LRP1B: variants seen among roughly 807,000 people sequenced by gnomAD.
LRP1B encodes low-density lipoprotein receptor-related protein 1B.
A neutral mutation model predicts 556.6 loss-of-function variants in LRP1B; 217 were observed. The observed-to-expected ratio is 0.39, with a 90% confidence interval of 0.35 to 0.44. LRP1B has a LOEUF of 0.44. LRP1B is among the 20% of genes least tolerant of loss of function. LRP1B has a pLI of 1.00. For synonymous variants in LRP1B, 2,047 were observed against 1,865.8 expected (o/e 1.10, Z -2.50); for missense variants, 5,053 against 5,620.8 (o/e 0.90, Z 3.23).
chr2:141,607,823 T>C lies in LRP1B; in HGVS notation c.206-127290A>G, dbSNP rs533810771. On this transcript the variant is annotated intron_variant, in intron 2 of 90. Transcript: ENST00000389484. ...CTGTCGTCCCAGCTACACAGGAGGC[T>C]GAGGAGGGGGGATCGCTTGAGCTTG... Among the ~76,000 whole-genome samples, 10 of 152,182 alleles carry C rather than the reference T, an allele frequency of 6.6e-5. No homozygotes were observed. In the East Asian group the frequency reaches 1.9e-3, roughly 29 times the overall value.
intron 1 of LRP1B, among the ~76,000 whole-genome samples, chr2:142,126,031 T>C (rs1050379810): frequency 2.6e-5 from 4 of 151,868 alleles, no homozygotes; most frequent in African/African-American, 9.7e-5. Flanking sequence ...GATTAATTCA[T>C]AATGGAACTC....
intron 6 of LRP1B, among the ~76,000 whole-genome samples, chr2:141,203,280 G>A (rs369772105): frequency 9.9e-5 from 15 of 151,982 alleles, no homozygotes; most frequent in Middle Eastern, 3.4e-3. Flanking sequence ...TTGGTGTGCC[G>A]TATTCAGGAG....
rs144527590 is a variant in LRP1B, at chr2:141,931,350, T to C, written c.83-120949A>G. ...GGAGGAATTACATGACTGCAAGAGT[T>C]TGGAGAAATACAAAGCACTGTTACA... On this transcript the variant is annotated intron_variant, in intron 1 of 90. Coordinates refer to ENST00000389484, the MANE Select transcript of LRP1B (RefSeq NM_018557.3). Among the ~76,000 whole-genome samples, 118 of 151,942 alleles carry C rather than the reference T, an allele frequency of 7.8e-4. 1 individual carries two copies. The highest frequency in any genetic ancestry group is 2.7e-3 in the African/African-American group (114 of 41,490).
intron 7 of LRP1B, among the ~76,000 whole-genome samples, chr2:141,109,195 G>C (rs562834637): frequency 6.6e-6 from 1 of 152,200 alleles, no homozygotes; most frequent in South Asian, 2.1e-4. Context: ...CAAATCAGCA[G>C]CACCTATACC....
intron 66 of LRP1B, among the ~76,000 whole-genome samples, chr2:140,397,504 A>G (rs1051130434): frequency 3.3e-5 from 5 of 152,206 alleles, no homozygotes; most frequent in African/African-American, 1.2e-4. Flanking sequence ...ACATGATGTA[A>G]TATAGAAAAG....
chr2:141,643,964 T>G (rs867010136), intron 2 of LRP1B, among the ~76,000 whole-genome samples: 21 of 151,688 alleles, frequency 1.4e-4, no homozygotes, highest in African/African-American at 4.6e-4. Flanking sequence ...GAAAAACTCA[T>G]GGCACATGAT....
chr2:140,920,090 C>G (rs1694693145), intron 21 of LRP1B, among the ~76,000 whole-genome samples: 1 of 151,988 alleles, frequency 6.6e-6, no homozygotes, highest in Non-Finnish European at 1.5e-5. Flanking sequence ...TTCCCGGTAC[C>G]TTGCGATCAC....
At chr2:140,998,220 A>G (rs1697310736) in intron 15 of LRP1B, among the ~76,000 whole-genome samples, 1 of 152,044 alleles carries the variant, frequency 6.6e-6, no homozygotes, top group South Asian at 2.1e-4. Flanking sequence ...ATGTTTTTGC[A>G]ATGTTCAAGT....
rs568545478 is a variant in LRP1B, at chr2:140,894,419, A to G, written c.3767-8084T>C. ...GTGCAGATGCTGCTTAATTGTAGAA[A>G]GAGATCTGAATCCAAGAAACACTGT... On this transcript the variant is annotated intron_variant, in intron 23 of 90. Transcript: ENST00000389484. Among the ~76,000 whole-genome samples, 15 of 152,292 alleles carry G rather than the reference A, an allele frequency of 9.8e-5. No homozygotes were observed. In the South Asian group the frequency reaches 3.1e-3, roughly 32 times the overall value.
chr2:142,102,236 A>G (rs555843241), intron 1 of LRP1B, among the ~76,000 whole-genome samples: 2 of 152,092 alleles, frequency 1.3e-5, no homozygotes, highest in South Asian at 4.1e-4. Context: ...TTACAGCCAC[A>G]TGCATTGTGA....
At chr2:140,667,093 G>T (rs959459634) in intron 41 of LRP1B, among the ~76,000 whole-genome samples, 1 of 152,162 alleles carries the variant, frequency 6.6e-6, no homozygotes, top group Non-Finnish European at 1.5e-5. Context: ...AAAGTTAGGC[G>T]CATTGGCATG....
intron 2 of LRP1B, among the ~76,000 whole-genome samples, chr2:141,667,995 G>C (rs1480173705): frequency 1.3e-5 from 2 of 152,142 alleles, no homozygotes; most frequent in African/African-American, 4.8e-5. Context: ...TATTATATTA[G>C]AGATTACATG....
At position 140,485,527 on chromosome 2, in the gene LRP1B, A is replaced by G; in HGVS notation, c.9244-3T>C. The G allele has an allele frequency of 1.9e-6, 3 of 1,606,396 alleles. No homozygotes were observed. The highest frequency in any genetic ancestry group is 2.5e-6 in the Non-Finnish European group (3 of 1,177,072). The stretch of plus-strand genomic sequence containing the variant: ...GGGACCGCTGTGTTATGAACTACCT[A>G]CAAAACAAGAATTTAAAAGGTTAAC... On this transcript the variant is annotated splice_polypyrimidine_tract_variant and splice_region_variant and intron_variant, in intron 58 of 90. Transcript: ENST00000389484.
chr2:141,895,903 A>G (rs973579196), intron 1 of LRP1B, among the ~76,000 whole-genome samples: 1 of 151,760 alleles, frequency 6.6e-6, no homozygotes, highest in African/African-American at 2.4e-5. Context: ...ATTGCTTTTT[A>G]TTTTTTGAGT....
At chr2:140,671,678 C>T (rs1179501080) in intron 41 of LRP1B, among the ~76,000 whole-genome samples, 4 of 152,128 alleles carry the variant, frequency 2.6e-5, no homozygotes, top group Non-Finnish European at 5.9e-5. Flanking sequence ...ATCTTTCTGC[C>T]TCTATCTTAT....
intron 31 of LRP1B, among the ~76,000 whole-genome samples, chr2:140,835,764 C>T (rs761670842): frequency 6.6e-6 from 1 of 152,132 alleles, no homozygotes; most frequent in Non-Finnish European, 1.5e-5. Context: ...GTCTCAAACT[C>T]CTGACCCCAG....
At chr2:141,848,716 T>A (rs767760613) in intron 1 of LRP1B, among the ~76,000 whole-genome samples, 1 of 151,540 alleles carries the variant, frequency 6.6e-6, no homozygotes, top group South Asian at 2.1e-4. Context: ...ATGAGAGATA[T>A]ATGAAAAGAA....
At chr2:140,418,835 C>A (rs1305519898) in intron 66 of LRP1B, among the ~76,000 whole-genome samples, 1 of 152,042 alleles carries the variant, frequency 6.6e-6, no homozygotes, top group Non-Finnish European at 1.5e-5. Context: ...CCATACCCCT[C>A]CCTGGAGAAC....
In LRP1B at chr2:140,517,030, T is replaced by A. The variant is rs145309166; in HGVS notation, c.8027-19A>T. 1.3e-6 allele frequency: 2 copies of A among 1,535,468 alleles called. No homozygotes were observed. The highest frequency in any genetic ancestry group is 1.8e-6 in the Non-Finnish European group (2 of 1,109,380). ...TTTTGAACTGTGATAAAATATGGAA[T>A]GTCAAACAATTTCATTTTAGACTTC... On this transcript the variant is annotated intron_variant, in intron 49 of 90. Transcript: ENST00000389484.
Sources: allele counts gnomAD v4.1 joint callset (sites outside exome capture counted in the v4.1 genomes callset), GRCh38; gene constraint gnomAD v4.1.1; transcripts MANE v1.5; gene names NCBI Gene and HGNC (gene_info 2026-07-23, HGNC 2026-07-21).